The following SBF2 variants were observed in gnomAD, a reference collection of about 807,000 sequenced individuals.
SBF2 encodes SET binding factor 2, also known as myotubularin-related protein 13.
Under a neutral mutation model 225.2 loss-of-function variants are expected in SBF2, and 112 were observed. That is an observed-to-expected ratio of 0.50 (90% CI 0.43 to 0.58). The LOEUF (loss-of-function observed/expected upper bound fraction) is 0.58. Ranked by LOEUF, SBF2 falls within the 20% of genes least tolerant of loss-of-function variation. The probability of loss-of-function intolerance (pLI) is 0.00; values close to 1 mark genes in which losing one functional copy is unlikely to be tolerated. For synonymous variants in SBF2, 763 were observed against 773.3 expected (o/e 0.99, Z 0.22); for missense variants, 1,996 against 2,206.2 (o/e 0.90, Z 1.91).
At chr11:10,208,915 C>T (rs2135376510) in intron 1 of SBF2, among the ~76,000 whole-genome samples, 1 of 152,232 alleles carries the variant, frequency 6.6e-6, no homozygotes, top group Non-Finnish European at 1.5e-5. Flanking sequence ...CTTCCAATTG[C>T]AGATAAGACT....
At chr11:10,146,932 AT>A (rs1954914421) in intron 2 of SBF2, among the ~76,000 whole-genome samples, 1 of 152,146 alleles carries the variant, frequency 6.6e-6, no homozygotes, top group Non-Finnish European at 1.5e-5. Context: ...AAAAGAAGAC[AT>A]GCATGTGGCC....
intron 2 of SBF2, among the ~76,000 whole-genome samples, chr11:10,117,785 T>C (rs1357755287): frequency 6.6e-6 from 1 of 151,846 alleles, no homozygotes; most frequent in African/African-American, 2.4e-5. Flanking sequence ...TTTTTTTTTT[T>C]CTGGTTATAC....
chr11:10,020,962 C>T (rs1948833746), intron 6 of SBF2, among the ~76,000 whole-genome samples: 1 of 150,322 alleles, frequency 6.7e-6, no homozygotes. Flanking sequence ...TGGAGACATA[C>T]TGACCCATCA....
At chr11:10,248,185 T>C (rs1219855587) in intron 1 of SBF2, among the ~76,000 whole-genome samples, 2 of 152,212 alleles carry the variant, frequency 1.3e-5, no homozygotes, top group African/African-American at 2.4e-5. Context: ...AGAGATTTTA[T>C]ATATGAAAGG....
Position 10,118,912 on chromosome 11 carries a change from A to AAC in SBF2, c.141+74989_141+74990insGT, listed in dbSNP as rs1555033127. On this transcript the variant is annotated intron_variant, in intron 2 of 39. Transcript: ENST00000256190. ...CCTGAAGTACTGGAAGAAAAAAAAA[A>AAC]AACAAAACTAAACAAACAAACAAAC... Among the ~76,000 whole-genome samples, 875 of 149,438 alleles carry AAC rather than the reference A, an allele frequency of 5.9e-3. 14 individuals carry two copies. Among genetic ancestry groups the AAC allele is most frequent in the African/African-American group, 0.019 (788 of 40,886 alleles).
intron 18 of SBF2, 133 bp from the exon 19 acceptor site, chr11:9,856,853 T>C (rs1045665773): frequency 2.2e-6 from 2 of 908,662 alleles, no homozygotes; most frequent in Non-Finnish European, 3.3e-6. Context: ...AGTGGCACGA[T>C]CTTGGCTCAC....
chr11:10,114,028 T>C (rs1590986472), intron 2 of SBF2, among the ~76,000 whole-genome samples: 2 of 152,184 alleles, frequency 1.3e-5, no homozygotes, highest in African/African-American at 4.8e-5. Flanking sequence ...TGATCAATGT[T>C]AGGAAGATTG....
At chr11:10,115,665 C>T (rs541049154) in intron 2 of SBF2, among the ~76,000 whole-genome samples, 2 of 152,292 alleles carry the variant, frequency 1.3e-5, no homozygotes, top group African/African-American at 4.8e-5. Context: ...ACATATAACA[C>T]TAATTGGCAC....
chr11:10,207,069 A>T (rs566314645), intron 1 of SBF2, among the ~76,000 whole-genome samples: 1 of 152,314 alleles, frequency 6.6e-6, no homozygotes, highest in East Asian at 1.9e-4. Flanking sequence ...TCTGAAAATT[A>T]AAAACAAAGA....
At chr11:9,938,224 G>A (rs1046273300) in intron 16 of SBF2, among the ~76,000 whole-genome samples, 2 of 151,836 alleles carry the variant, frequency 1.3e-5, no homozygotes, top group Non-Finnish European at 2.9e-5. Flanking sequence ...CCGGCAGGTG[G>A]AGCTTGCAGT....
At chr11:10,083,144 AAAC>A (rs1223517314) in intron 2 of SBF2, among the ~76,000 whole-genome samples, 1 of 152,180 alleles carries the variant, frequency 6.6e-6, no homozygotes, top group Admixed American at 6.5e-5. Context: ...ACCAAAACCA[AAAC>A]AACACAGCTC....
chr11:10,165,964 G>A (rs1283927644), intron 2 of SBF2, among the ~76,000 whole-genome samples: 2 of 152,112 alleles, frequency 1.3e-5, no homozygotes, highest in African/African-American at 2.4e-5. Context: ...AAAAGAATAA[G>A]ACTCTTAAAG....
At chr11:9,996,419 G>A (rs1472766009) in intron 9 of SBF2, among the ~76,000 whole-genome samples, 3 of 151,600 alleles carry the variant, frequency 2.0e-5, no homozygotes, top group South Asian at 2.1e-4. Context: ...AGATGGAGTC[G>A]AGCTCTGTCA....
In SBF2 at chr11:9,780,379, G is replaced by A. The variant is rs373847064; in HGVS notation, c.*39C>T. On this transcript the variant is annotated 3_prime_UTR_variant, in exon 40 of 40. Transcript: ENST00000256190. ...TCTTTTTCTATCTATCTGGCAGCATGAGTTCTTCTGTTTCTTCTGCGTGGG... is the reference window on the plus strand; with the variant it reads ...TCTTTTTCTATCTATCTGGCAGCATAAGTTCTTCTGTTTCTTCTGCGTGGG... The A allele has an allele frequency of 3.3e-6, 5 of 1,522,578 alleles. No individual in the cohort carries two copies. Among genetic ancestry groups the A allele is most frequent in the Non-Finnish European group, 4.6e-6 (5 of 1,097,850 alleles). The allele number at this position is 1,522,578 out of a possible 1,614,324, so 94.3% of individuals were successfully genotyped here. A position where few individuals can be genotyped will look rare whatever the true frequency, so the allele number is the denominator to read the frequency against.
chr11:10,035,371 A>G (rs943260595), intron 3 of SBF2, among the ~76,000 whole-genome samples: 2 of 152,230 alleles, frequency 1.3e-5, no homozygotes, highest in African/African-American at 2.4e-5. Context: ...CTTCACGTCT[A>G]AAACACCAAA....
Position 10,169,915 on chromosome 11 carries a change from A to G in SBF2, c.141+23987T>C, listed in dbSNP as rs113190852. ...GTATCTCGTTGTAGTTTTGATCTGC[A>G]TTTCTCTGATGATCAGTGATGCTGA... On this transcript the variant is annotated intron_variant, in intron 2 of 39. Transcript: ENST00000256190. Among the ~76,000 whole-genome samples the G allele has an allele frequency of 6.1e-3, 932 of 152,238 alleles. 9 individuals carry two copies. The highest frequency in any genetic ancestry group is 0.021 in the African/African-American group (866 of 41,536).
intron 17 of SBF2, among the ~76,000 whole-genome samples, chr11:9,869,849 C>A (rs1361434502): frequency 6.6e-6 from 1 of 152,010 alleles, no homozygotes; most frequent in Non-Finnish European, 1.5e-5. Flanking sequence ...AAGTTCTGGC[C>A]CAGGGCAATC....
At chr11:10,140,773 G>A (rs1954606396) in intron 2 of SBF2, among the ~76,000 whole-genome samples, 1 of 152,024 alleles carries the variant, frequency 6.6e-6, no homozygotes, top group South Asian at 2.1e-4. Context: ...CTTAACTTGT[G>A]GGGTCTGTAG....
At chr11:10,103,824 T>C (rs1043091132) in intron 2 of SBF2, among the ~76,000 whole-genome samples, 1 of 152,146 alleles carries the variant, frequency 6.6e-6, no homozygotes, top group Non-Finnish European at 1.5e-5. Context: ...CTCATACCTA[T>C]AATCCCAGCA....
Sources: gnomAD v4.1 joint callset for allele counts (sites outside exome capture counted in the v4.1 genomes callset) on GRCh38, gnomAD v4.1.1 for gene constraint, MANE v1.5 for transcripts, NCBI Gene and HGNC (gene_info 2026-07-23, HGNC 2026-07-21) for gene names.